Variants in DAAM2 observed in about 807,000 individuals in gnomAD.
DAAM2 encodes dishevelled associated activator of morphogenesis 2.
DAAM2 carries 39 observed loss-of-function variants against 120.7 expected under a neutral mutation model. The observed-to-expected ratio is 0.32, with a 90% CI of 0.25 to 0.42. The LOEUF (loss-of-function observed/expected upper bound fraction) is 0.42. Among genes scored for constraint, DAAM2 ranks in the 10% least tolerant of loss-of-function variants. The pLI is 1.00. For synonymous variants in DAAM2, 488 were observed against 524.9 expected, an observed-to-expected ratio of 0.93 and a Z score of 0.96; for missense variants, 1,283 against 1,401.7, an observed-to-expected ratio of 0.92 and a Z score of 1.35.
intron 6 of DAAM2, 52 bp downstream of exon 6, chr6:39,867,895 C>A: frequency 1.4e-6 from 2 of 1,445,054 alleles, no homozygotes; most frequent in South Asian, 1.3e-5. Flanking sequence ...CAGAGGATGT[C>A]ACATGTGAGT....
intron 1 of DAAM2, among the ~76,000 whole-genome samples, chr6:39,847,963 C>T (rs1284105916): frequency 2.6e-5 from 4 of 152,182 alleles, no homozygotes; most frequent in Admixed American, 6.5e-5. Flanking sequence ...GTTTTGGTTC[C>T]CACTGCACCT....
Position 39,793,652 on chromosome 6 carries a change from T to G in DAAM2, c.-57+1187T>G, listed in dbSNP as rs146402641. ...GAGTTTGGTGTTAGTTTCCTGAGTT[T>G]CTTTGCAAAGCCAGCTGAAGCGGGG... On this transcript the variant is annotated intron_variant, in intron 1 of 24. Coordinates refer to ENST00000274867, the MANE Select transcript of DAAM2 (RefSeq NM_001201427.2). Among the ~76,000 whole-genome samples, 12 of 152,300 alleles carry G rather than the reference T, an allele frequency of 7.9e-5. No individual in the cohort carries two copies. In the East Asian group the frequency reaches 1.9e-3, roughly 25 times the overall value.
intron 1 of DAAM2, among the ~76,000 whole-genome samples, chr6:39,828,744 G>C (rs1255810723): frequency 6.6e-6 from 1 of 151,870 alleles, no homozygotes; most frequent in African/African-American, 2.4e-5. Context: ...TGTATTTTTG[G>C]TAGAGACGGG....
Position 39,871,517 on chromosome 6 carries a change from T to C in DAAM2, c.989T>C (p.Phe330Ser). 6.4e-7 allele frequency: 1 copy of C among 1,551,658 alleles called. No homozygotes were observed. Among genetic ancestry groups the C allele is most frequent in the Non-Finnish European group, 8.7e-7 (1 of 1,147,028 alleles). The change falls in exon 9 of 25, where the codon TTC becomes TCC. Residue 330 changes from phenylalanine to serine, a missense_variant. Coordinates refer to ENST00000274867, the MANE Select transcript of DAAM2 (RefSeq NM_001201427.2). The stretch of plus-strand genomic sequence containing the variant: ...CCCATTCTGTCTAGACATTTAGACT[T>C]CTTCGAGATGGTGCGGAATGAGGAT... ...ENAILDKHLD[F>S]FEMVRNEDDL...
At position 39,897,215 on chromosome 6, in the gene DAAM2, A is replaced by G; in HGVS notation, c.2551A>G (p.Lys851Glu). 6.2e-7 allele frequency: 1 copy of G among 1,613,792 alleles called. No individual in the cohort carries two copies. Among genetic ancestry groups the G allele is most frequent in the Non-Finnish European group, 8.5e-7 (1 of 1,179,756 alleles). The part of the protein sequence containing the change: ...LLHYLIMILE[K>E]HFPDILNMPS... ...CCATTACCTGATCATGATCCTGGAG[A>G]AGCATTTTCCTGATATTCTAAACAT... Residue 851 changes from lysine to glutamate, a missense_variant, in exon 21 of 25, where the codon AAG becomes GAG. By Grantham distance (56) the Lys-to-Glu change is moderately conservative. This residue lies in a region of DAAM2 where 748 missense variants were observed against 768.6 expected (regional missense o/e 0.97). Coordinates refer to ENST00000274867, the MANE Select transcript of DAAM2 (RefSeq NM_001201427.2).
At chr6:39,862,882 T>C (rs899571775) in intron 3 of DAAM2, 1 of 144,930 alleles carries the variant, frequency 6.9e-6, no homozygotes, top group South Asian at 2.2e-4. Context: ...CCAAACCAAA[T>C]TGTAATTTCC....
intron 3 of DAAM2, among the ~76,000 whole-genome samples, chr6:39,863,064 T>C (rs1039900866): frequency 6.6e-6 from 1 of 152,010 alleles, no homozygotes; most frequent in Non-Finnish European, 1.5e-5. Flanking sequence ...AGGTCTGCTA[T>C]GGGTGGCTCT....
rs151113003 is a variant in DAAM2, at chr6:39,872,608, A to C, written c.1045-630A>C. ...TTATTGTGTTATAAAATCCCCATCCAAATAGAAAGCTACTTTTGGGTGGTG... is the reference window on the plus strand; with the variant it reads ...TTATTGTGTTATAAAATCCCCATCCCAATAGAAAGCTACTTTTGGGTGGTG... On this transcript the variant is annotated intron_variant, in intron 9 of 24. Transcript: ENST00000274867. Among the ~76,000 whole-genome samples, 541 of 152,316 alleles carry C rather than the reference A, an allele frequency of 3.6e-3. 2 individuals are homozygous for C. Among genetic ancestry groups the C allele is most frequent in the African/African-American group, 0.012 (497 of 41,562 alleles).
In DAAM2 at chr6:39,904,269, G is replaced by T. The variant is rs1354706623; in HGVS notation, c.*2232G>T. ...AGAGCTCAGCCTTCTCACTCTAAAA[G>T]AAAGATATTTTTCTATTTATTTTCT... On this transcript the variant is annotated 3_prime_UTR_variant, in exon 25 of 25. Coordinates refer to ENST00000274867, the MANE Select transcript of DAAM2 (RefSeq NM_001201427.2). 2.2e-6 allele frequency: 1 copy of T among 456,596 alleles called. No homozygotes were observed. The highest frequency in any genetic ancestry group is 6.9e-5 in the East Asian group (1 of 14,398). The allele number at this position is 456,596 out of a possible 1,614,324, so 28.3% of individuals were successfully genotyped here.
At position 39,871,537 on chromosome 6, in the gene DAAM2, G is replaced by A. The variant is rs1226728128; in HGVS notation, c.1009G>A (p.Glu337Lys). 2 of 1,551,272 alleles carry A rather than the reference G, an allele frequency of 1.3e-6. No individual in the cohort carries two copies. The highest frequency in any genetic ancestry group is 2.4e-5 in the East Asian group (1 of 40,938). ...HLDFFEMVRN[E>K]DDLELARRFD... ...AGACTTCTTCGAGATGGTGCGGAATGAGGATGACCTGGAGCTAGCCAGGAG... is the reference window on the plus strand; with the variant it reads ...AGACTTCTTCGAGATGGTGCGGAATAAGGATGACCTGGAGCTAGCCAGGAG... Residue 337 changes from glutamate (E) to lysine (K), a missense_variant, in exon 9 of 25, where the codon GAG becomes AAG. Glu to Lys is a moderately conservative substitution (Grantham distance 56). Around this residue, in one of 3 missense-constraint regions of DAAM2, gnomAD observed 338 missense variants for 443.9 expected, o/e 0.76. Transcript: ENST00000274867.
intron 15 of DAAM2, chr6:39,886,614 A>G (rs1373621785): frequency 2.8e-5 from 11 of 396,216 alleles, no homozygotes; most frequent in Non-Finnish European, 4.9e-5. Context: ...GAAGAAATGT[A>G]GCAGAGGGAG....
chr6:39,875,846 G>A lies in DAAM2; in HGVS notation c.1301+378G>A, dbSNP rs937110135. Reference sequence around the variant, plus strand: ...GATCCACTGCATGGCTTGGATAGATGGGGAATTTAAACACATTAACGTAGA... The same window carrying A: ...GATCCACTGCATGGCTTGGATAGATAGGGAATTTAAACACATTAACGTAGA... On this transcript the variant is annotated intron_variant, in intron 11 of 24. Transcript: ENST00000274867. Among the ~76,000 whole-genome samples, 13 of 152,308 alleles carry A rather than the reference G, an allele frequency of 8.5e-5. No homozygotes were observed. The South Asian group carries it at 1.5e-3, about 17-fold the overall frequency.
At chr6:39,887,203 C>G in intron 15 of DAAM2, 1 of 343,452 alleles carries the variant, frequency 2.9e-6, no homozygotes, top group South Asian at 3.0e-5. Flanking sequence ...CCTCATTGCC[C>G]AGAGTGGATA....
In DAAM2 at chr6:39,814,461, G is replaced by A. The variant is rs545112003; in HGVS notation, c.-57+21996G>A. On this transcript the variant is annotated intron_variant, in intron 1 of 24. Coordinates refer to ENST00000274867, the MANE Select transcript of DAAM2 (RefSeq NM_001201427.2). The stretch of plus-strand genomic sequence containing the variant: ...TGCCTTTGTTGGGGTTGGCGTTGGC[G>A]TTGGGTGAGCACTGTGGTGAGCACT... Among the ~76,000 whole-genome samples the A allele has an allele frequency of 7.2e-5, 11 of 152,334 alleles. No individual in the cohort carries two copies. The South Asian group carries it at 1.0e-3, about 14-fold the overall frequency.
chr6:39,900,058 C>T lies in DAAM2; in HGVS notation c.2680-19C>T, dbSNP rs1360469383. 1 of 1,597,328 alleles carries T rather than the reference C, an allele frequency of 6.3e-7. No homozygotes were observed. Among genetic ancestry groups the T allele is most frequent in the East Asian group, 2.3e-5 (1 of 43,916 alleles). ...CATCTTGGCACCAGTCTAAGCAGCA[C>T]TTCACCCTCCCTCCTCAGGAGCTGG... is the stretch of plus-strand genomic sequence containing the variant. On this transcript the variant is annotated intron_variant, in intron 22 of 24. Transcript: ENST00000274867.
chr6:39,900,275 C>T (rs1421657531), intron 23 of DAAM2, 67 bp downstream of exon 23: 2 of 1,562,090 alleles, frequency 1.3e-6, no homozygotes, highest in Non-Finnish European at 1.7e-6. Context: ...TTCACCCATT[C>T]CTACCACAGA....
chr6:39,899,241 C>T (rs148658520), intron 22 of DAAM2, among the ~76,000 whole-genome samples: 1 of 152,184 alleles, frequency 6.6e-6, no homozygotes, highest in South Asian at 2.1e-4. Context: ...AATCCTCATC[C>T]CTTGACTGCC....
intron 1 of DAAM2, among the ~76,000 whole-genome samples, chr6:39,793,727 A>AG (rs929868941): frequency 2.6e-5 from 4 of 152,158 alleles, no homozygotes; most frequent in African/African-American, 9.7e-5. Flanking sequence ...CACGGAGAGT[A>AG]GGGGAAAAAA....
intron 2 of DAAM2, among the ~76,000 whole-genome samples, chr6:39,857,213 C>T (rs936634859): frequency 6.6e-6 from 1 of 152,188 alleles, no homozygotes. Flanking sequence ...AAAGTCTGCA[C>T]ACCAAGGGAG....
Sources: gnomAD v4.1 joint callset for allele counts (sites outside exome capture counted in the v4.1 genomes callset) on GRCh38, gnomAD v4.1.1 for gene constraint, gnomAD v4.1.1 regional missense constraint, MANE v1.5 for transcripts, NCBI Gene and HGNC (gene_info 2026-07-23, HGNC 2026-07-21) for gene names.